MICAL2: variants seen among roughly 807,000 people sequenced by gnomAD.
The protein encoded by MICAL2 is [F-actin]-monooxygenase MICAL2.
A neutral mutation model predicts 127.3 loss-of-function variants in MICAL2; 77 were observed. The observed-to-expected ratio is 0.60, with a 90% CI of 0.50 to 0.73. The LOEUF (loss-of-function observed/expected upper bound fraction) is 0.73, where lower values mean the gene tolerates loss of function less well. Ranked by LOEUF, MICAL2 falls within the 30% of genes least tolerant of loss-of-function variation. MICAL2 has a pLI of 0.00. For synonymous variants in MICAL2, 570 were observed against 551.1 expected (o/e 1.03, Z -0.48); for missense variants, 1,351 against 1,434.4 (o/e 0.94, Z 0.94).
At chr11:12,150,826 A>G (rs1853494306) in intron 2 of MICAL2, among the ~76,000 whole-genome samples, 1 of 152,196 alleles carries the variant, frequency 6.6e-6, no homozygotes, top group African/African-American at 2.4e-5. Flanking sequence ...GAGTTGGTTA[A>G]GGCGAGGATG....
intron 1 of MICAL2, among the ~76,000 whole-genome samples, chr11:12,114,127 C>T (rs771155215): frequency 6.6e-6 from 1 of 152,154 alleles, no homozygotes; most frequent in Non-Finnish European, 1.5e-5. Context: ...TACTCATTAC[C>T]CAGCTTCCAC....
chr11:12,235,469 A>G (rs947097060), intron 15 of MICAL2, among the ~76,000 whole-genome samples: 5 of 152,194 alleles, frequency 3.3e-5, no homozygotes, highest in Non-Finnish European at 7.3e-5. Context: ...GGCACTGTTA[A>G]CAATCAGGCT....
chr11:12,223,275 C>T, intron 11 of MICAL2, 136 bp from the exon 12 acceptor site: 5 of 709,798 alleles, frequency 7.0e-6, no homozygotes, highest in East Asian at 2.6e-5. Flanking sequence ...CCTGCGTTCC[C>T]TTGCCGAAGG....
intron 29 of MICAL2, among the ~76,000 whole-genome samples, chr11:12,305,183 C>T (rs1387634586): frequency 2.0e-5 from 3 of 152,268 alleles, no homozygotes; most frequent in South Asian, 2.1e-4. Flanking sequence ...TTAATTGACT[C>T]GCAGTTCCAC....
downstream of MICAL2, chr11:12,292,117 T>C (rs1863910826): frequency 3.7e-6 from 6 of 1,606,292 alleles, no homozygotes; most frequent in African/African-American, 2.7e-5. Context: ...ACCTTTGTAA[T>C]GAAGAGTGTG....
chr11:12,301,047 C>A (rs55732156), intron 29 of MICAL2, among the ~76,000 whole-genome samples: 1 of 152,054 alleles, frequency 6.6e-6, no homozygotes, highest in Admixed American at 6.6e-5. Flanking sequence ...AGAATCATGG[C>A]GGGAGGCAAA....
chr11:12,194,585 T>C (rs932734026), intron 3 of MICAL2, among the ~76,000 whole-genome samples: 1 of 152,248 alleles, frequency 6.6e-6, no homozygotes, highest in Non-Finnish European at 1.5e-5. Context: ...GAATATATGT[T>C]GACTCAGCCC....
At chr11:12,193,715 T>C (rs1191541455) in intron 3 of MICAL2, among the ~76,000 whole-genome samples, 1 of 152,214 alleles carries the variant, frequency 6.6e-6, no homozygotes, top group Non-Finnish European at 1.5e-5. Flanking sequence ...ATGATGGATA[T>C]GAGTTTCTGC....
intron 32 of MICAL2, among the ~76,000 whole-genome samples, chr11:12,347,720 A>T (rs1490654731): frequency 6.6e-6 from 1 of 152,226 alleles, no homozygotes; most frequent in Non-Finnish European, 1.5e-5. Flanking sequence ...ATTATAAATA[A>T]TCTAGAAATT....
At chr11:12,180,375 C>T (rs1857316356) in intron 3 of MICAL2, among the ~76,000 whole-genome samples, 1 of 139,894 alleles carries the variant, frequency 7.1e-6, no homozygotes. Context: ...GAAGGTTTCC[C>T]ATGAAGGGCA....
chr11:12,225,335 A>G (rs1857283929), intron 13 of MICAL2, among the ~76,000 whole-genome samples: 2 of 152,200 alleles, frequency 1.3e-5, no homozygotes, highest in South Asian at 4.1e-4. Context: ...TTGAGGAAAC[A>G]CTGTGGTGCT....
chr11:12,264,636 G>A (rs75445095), downstream of MICAL2, among the ~76,000 whole-genome samples: 3,266 of 152,260 alleles, frequency 0.021, 107 homozygotes, highest in African/African-American at 0.075. Context: ...CTCCAAATGG[G>A]TGTTCCTGAG....
intron 1 of MICAL2, among the ~76,000 whole-genome samples, chr11:12,117,780 AG>A (rs1366853901): frequency 6.6e-6 from 1 of 152,206 alleles, no homozygotes; most frequent in Non-Finnish European, 1.5e-5. Flanking sequence ...TCTGATGCAA[AG>A]GTAGTAAGAT....
At chr11:12,118,537 A>G (rs77042867) in intron 1 of MICAL2, among the ~76,000 whole-genome samples, 1,631 of 152,034 alleles carry the variant, frequency 0.011, 31 homozygotes, top group African/African-American at 0.037. Context: ...AGGCCTAACC[A>G]TTTCCCCTTC....
chr11:12,286,989 T>C (rs1441208632), intron 2 of MICAL2: 1 of 398,042 alleles, frequency 2.5e-6, no homozygotes, highest in Non-Finnish European at 4.4e-6. Flanking sequence ...TATTGACTTG[T>C]GGTAATTGAG....
intron 2 of MICAL2, among the ~76,000 whole-genome samples, chr11:12,158,237 AGCATTTTG>A (rs1307911767): frequency 2.6e-5 from 4 of 152,216 alleles, no homozygotes; most frequent in Non-Finnish European, 4.4e-5. Flanking sequence ...TCTGGTCCCA[AGCATTTTG>A]GATAAGGGAT....
chr11:12,180,134 G>A (rs1857260985), intron 3 of MICAL2, among the ~76,000 whole-genome samples: 1 of 152,060 alleles, frequency 6.6e-6, no homozygotes, highest in Admixed American at 6.5e-5. Context: ...AGAGGCCTTG[G>A]GGTTAGCAAA....
downstream of MICAL2, among the ~76,000 whole-genome samples, chr11:12,288,211 G>A (rs969572186): frequency 2.6e-5 from 4 of 152,224 alleles, no homozygotes; most frequent in African/African-American, 7.2e-5. Flanking sequence ...CCCCAGCGGC[G>A]ACAGCAGAGG....
intron 3 of MICAL2, among the ~76,000 whole-genome samples, chr11:12,165,604 G>A (rs1353729406): frequency 6.6e-6 from 1 of 152,256 alleles, no homozygotes; most frequent in Non-Finnish European, 1.5e-5. Flanking sequence ...TAAAGTGGAT[G>A]CATCTCAGCA....
Sources: allele counts gnomAD v4.1 joint callset (sites outside exome capture counted in the v4.1 genomes callset), GRCh38; gene constraint gnomAD v4.1.1; transcripts MANE v1.5; gene names NCBI Gene and HGNC (gene_info 2026-07-23, HGNC 2026-07-21).